The following DTHD1 variants were observed in gnomAD, a reference collection of about 807,000 sequenced individuals.
DTHD1 encodes the protein death domain containing 1.
A neutral mutation model predicts 74.8 loss-of-function variants in DTHD1; 59 were observed. The observed-to-expected ratio is 0.79, with a 90% CI of 0.64 to 0.98. The LOEUF (loss-of-function observed/expected upper bound fraction) is 0.98. DTHD1 is among the 50% of genes least tolerant of loss of function. The pLI, the probability that DTHD1 is intolerant of heterozygous loss-of-function variation, is 0.00. For missense variants in DTHD1, 1,051 were observed against 1,065.4 expected (o/e 0.99, Z 0.19); for synonymous variants, 365 against 371.1 (o/e 0.98, Z 0.19).
rs370113688 is a variant in DTHD1 at position 36,313,545 on chromosome 4, C to G, written c.2096-2697C>G. ...TGCCTTAACAACAATGAAACTCCAA[C>G]TTTCCAAAATTACATAATGGTTTCT... On this transcript the variant is annotated intron_variant, in intron 7 of 9. Coordinates refer to ENST00000639862, the MANE Select transcript of DTHD1 (RefSeq NM_001170700.3). 1.2e-4 allele frequency among the ~76,000 whole-genome samples: 18 copies of G among 152,158 alleles called. 1 individual carries two copies. Among genetic ancestry groups the G allele is most frequent in the African/African-American group, 3.6e-4 (15 of 41,516 alleles).
chr4:36,307,916 C>T (rs1048997827), intron 6 of DTHD1, among the ~76,000 whole-genome samples: 10 of 152,142 alleles, frequency 6.6e-5, no homozygotes, highest in African/African-American at 2.4e-4. Flanking sequence ...TGCCATGTTG[C>T]CCAGGCTGGT....
chr4:36,299,197 T>C (rs1353593254), intron 5 of DTHD1, among the ~76,000 whole-genome samples: 1 of 152,176 alleles, frequency 6.6e-6, no homozygotes, highest in East Asian at 1.9e-4. Flanking sequence ...ATTTTCTTCT[T>C]CTTCTCTGGC....
In DTHD1 at chr4:36,308,355, C is replaced by G. The variant is rs1053903285; in HGVS notation, c.1957C>G (p.Pro653Ala). The stretch of plus-strand genomic sequence containing the variant: ...ACATAGAATAGCTGTTTTAGTGGTG[C>G]CTTCCAAAGATTTAAGCCAGGTGCT... ...NPHRIAVLVV[P>A]SKDLSQVLKD... is the part of the protein sequence containing the mutation. Residue 653 changes from proline (P) to alanine (A), a missense_variant, in exon 7 of 10, where the codon CCT (proline) becomes GCT (alanine). Transcript: ENST00000639862. 6.0e-5 allele frequency: 93 copies of G among 1,551,696 alleles called. No individual in the cohort carries two copies. Among genetic ancestry groups the G allele is most frequent in the Non-Finnish European group, 7.1e-5 (82 of 1,147,034 alleles).
rs1300740692 is a variant in DTHD1, at chr4:36,346,843, C to T, written c.*3019C>T. Among the ~76,000 whole-genome samples the T allele has an allele frequency of 6.6e-6, 1 of 152,076 alleles. No individual in the cohort carries two copies. Among genetic ancestry groups the T allele is most frequent in the African/African-American group, 2.4e-5 (1 of 41,402 alleles). ...AAGGCCACCTCTAGCCAACTCTCTCCTGTGCTTTGGTAACTGGTCTTCTTC... is the reference window on the plus strand; with the variant it reads ...AAGGCCACCTCTAGCCAACTCTCTCTTGTGCTTTGGTAACTGGTCTTCTTC... On this transcript the variant is annotated 3_prime_UTR_variant, in exon 10 of 10. Transcript: ENST00000639862.
In DTHD1 at chr4:36,290,523, C is replaced by T. The variant is rs1342686568; in HGVS notation, c.1038C>T (p.Val346=). ...VGDNEELVSN[V]ITIECSDKEK... is the part of the protein sequence containing the mutation. ...ATAATGAAGAGTTAGTTAGCAACGT[C>T]ATAACTATTGAATGCTCAGATAAGG... Residue 346 remains valine (V), a synonymous_variant, in exon 3 of 10, where the codon GTC becomes GTT. Transcript: ENST00000639862. 1.9e-6 allele frequency: 3 copies of T among 1,551,482 alleles called. No homozygotes were observed. Among genetic ancestry groups the T allele is most frequent in the East Asian group, 4.9e-5 (2 of 40,910 alleles).
chr4:36,336,660 C>A (rs1285934114), intron 8 of DTHD1, among the ~76,000 whole-genome samples: 1 of 152,016 alleles, frequency 6.6e-6, no homozygotes, highest in African/African-American at 2.4e-5. Flanking sequence ...ACAGCTTGGT[C>A]TCTCTGCCTG....
intron 5 of DTHD1, among the ~76,000 whole-genome samples, chr4:36,305,276 A>G (rs1247223473): frequency 2.0e-5 from 3 of 152,168 alleles, no homozygotes; most frequent in East Asian, 3.8e-4. Context: ...CCAAGACTGG[A>G]TAATTTATAA....
Position 36,284,481 on chromosome 4 carries a change from A to G in DTHD1, c.777A>G (p.Glu259=), listed in dbSNP as rs1171704996. 6.5e-7 allele frequency: 1 copy of G among 1,537,038 alleles called. No individual in the cohort carries two copies. Among genetic ancestry groups the G allele is most frequent in the East Asian group, 2.4e-5 (1 of 40,920 alleles). ...AAGAGACTTCAGAAAGCCCAAGAGA[A>G]GAGATGACCACATCCTCAATAATAT... is the stretch of plus-strand genomic sequence containing the variant. ...EIQETSESPR[E]EMTTSSIICD... The change falls in exon 2 of 10, where the codon GAA becomes GAG. Residue 259 remains glutamate (E), a synonymous_variant. Transcript: ENST00000639862.
intron 4 of DTHD1, among the ~76,000 whole-genome samples, chr4:36,294,472 A>C (rs1254350359): frequency 6.6e-6 from 1 of 152,038 alleles, no homozygotes; most frequent in Non-Finnish European, 1.5e-5. Context: ...TGATCTAACA[A>C]TTTCTAATTA....
At chr4:36,326,821 ACT>A (rs1177671141) in intron 8 of DTHD1, among the ~76,000 whole-genome samples, 1 of 152,172 alleles carries the variant, frequency 6.6e-6, no homozygotes, top group Non-Finnish European at 1.5e-5. Flanking sequence ...GATTTCACAC[ACT>A]GTGGCAAGAC....
At chr4:36,287,787 T>C (rs1755801648) in intron 2 of DTHD1, among the ~76,000 whole-genome samples, 1 of 152,254 alleles carries the variant, frequency 6.6e-6, no homozygotes, top group Non-Finnish European at 1.5e-5. Context: ...TATCTTCTTT[T>C]GATAATTGTT....
chr4:36,335,133 T>A (rs1273555344), intron 8 of DTHD1, among the ~76,000 whole-genome samples: 5 of 152,146 alleles, frequency 3.3e-5, no homozygotes, highest in Admixed American at 2.0e-4. Context: ...ATAAAAGAGG[T>A]AGAATTTGAC....
rs1316386712 is a variant in DTHD1 at position 36,290,362 on chromosome 4, T to A, written c.888-11T>A. The A allele has an allele frequency of 2.0e-6, 3 of 1,532,942 alleles. No homozygotes were observed. The South Asian group carries it at 3.6e-5, about 19-fold the overall frequency. The allele number at this position is 1,532,942 out of a possible 1,614,324, so 95.0% of individuals were successfully genotyped here. ...ATAATTGGAAAAATGACATTCTTTTTCCCCCTCCAGGTATCTTGATGTGCT... is the reference window on the plus strand; with the variant it reads ...ATAATTGGAAAAATGACATTCTTTTACCCCCTCCAGGTATCTTGATGTGCT... On this transcript the variant is annotated splice_polypyrimidine_tract_variant and intron_variant, in intron 2 of 9. Transcript: ENST00000639862.
intron 9 of DTHD1, 47 bp from the exon 10 acceptor site, chr4:36,343,455 C>A: frequency 1.3e-6 from 2 of 1,506,164 alleles, no homozygotes; most frequent in African/African-American, 1.4e-5. Flanking sequence ...CCCATGCATC[C>A]CCCAGGAGAG....
chr4:36,290,532 T>C lies in DTHD1; in HGVS notation c.1047T>C (p.Ile349=), dbSNP rs370188317. 4.1e-5 allele frequency: 63 copies of C among 1,551,518 alleles called. No homozygotes were observed. In the African/African-American group the frequency reaches 8.1e-4, roughly 20 times the overall value. Residue 349 remains isoleucine, a synonymous_variant, in exon 3 of 10, where the codon ATT becomes ATC. Transcript: ENST00000639862. ...AGTTAGTTAGCAACGTCATAACTAT[T>C]GAATGCTCAGATAAGGAAAAGAGAG... ...NEELVSNVIT[I]ECSDKEKRVP... is the part of the protein sequence containing the mutation.
chr4:36,287,449 G>T (rs13139628), intron 2 of DTHD1, among the ~76,000 whole-genome samples: 1,705 of 152,254 alleles, frequency 0.011, 32 homozygotes, highest in African/African-American at 0.039. Flanking sequence ...ATAAACATGA[G>T]TATCCATGTA....
chr4:36,302,914 A>G (rs987414849), intron 5 of DTHD1, among the ~76,000 whole-genome samples: 12 of 152,244 alleles, frequency 7.9e-5, no homozygotes, highest in Non-Finnish European at 7.3e-5. Context: ...ACGCATCATG[A>G]ATATCACAAA....
chr4:36,306,316 G>A lies in DTHD1; in HGVS notation c.1769G>A (p.Gly590Asp), dbSNP rs758028678. 22 of 1,551,242 alleles carry A rather than the reference G, an allele frequency of 1.4e-5. No individual in the cohort carries two copies. The Admixed American group carries it at 4.3e-4, about 30-fold the overall frequency. ...LDDVVKTIQS[G>D]LVSVELYEHL... Reference sequence around the variant, plus strand: ...GATGTTGTGAAAACCATACAGAGCGGCTTGGTATCAGTTGAATTGTATGAA... The same window carrying A: ...GATGTTGTGAAAACCATACAGAGCGACTTGGTATCAGTTGAATTGTATGAA... Residue 590 changes from glycine (G) to aspartate (D), a missense_variant, in exon 6 of 10, where the codon GGC becomes GAC. Physicochemically the swap from Gly to Asp is moderately conservative, Grantham distance 94. Transcript: ENST00000639862.
intron 8 of DTHD1, among the ~76,000 whole-genome samples, chr4:36,316,875 C>T (rs1281747322): frequency 6.6e-6 from 1 of 152,162 alleles, no homozygotes; most frequent in Non-Finnish European, 1.5e-5. Flanking sequence ...AATATTTATA[C>T]TGAAACTTAC....
Sources: allele counts gnomAD v4.1 joint callset (sites outside exome capture counted in the v4.1 genomes callset), GRCh38; gene constraint gnomAD v4.1.1; transcripts MANE v1.5; gene names NCBI Gene and HGNC (gene_info 2026-07-23, HGNC 2026-07-21).